The following HOMER1 variants were observed in gnomAD, a reference collection of about 807,000 sequenced individuals.
HOMER1 encodes the protein homer protein homolog 1.
A neutral mutation model predicts 48.9 loss-of-function variants in HOMER1; 3 were observed. That is an observed-to-expected ratio of 0.06 (90% CI 0.03 to 0.16). HOMER1 has a LOEUF of 0.16. Ranked by LOEUF, HOMER1 falls within the 10% of genes least tolerant of loss-of-function variation. The pLI, the probability that HOMER1 is intolerant of heterozygous loss-of-function variation, is 1.00. For synonymous variants in HOMER1, 134 were observed against 146.4 expected, an observed-to-expected ratio of 0.92 and a Z score of 0.61; for missense variants, 247 against 411.4, an observed-to-expected ratio of 0.60 and a Z score of 3.46.
chr5:79,462,622 A>G (rs746809999), intron 1 of HOMER1, among the ~76,000 whole-genome samples: 24 of 152,218 alleles, frequency 1.6e-4, no homozygotes, highest in Non-Finnish European at 2.6e-4. Flanking sequence ...TAAGAAAGAA[A>G]CGAGGATCAT....
chr5:79,389,932 A>G (rs1749205991), intron 8 of HOMER1, among the ~76,000 whole-genome samples: 1 of 152,228 alleles, frequency 6.6e-6, no homozygotes, highest in African/African-American at 2.4e-5. Context: ...AAATGAGAGC[A>G]TAACAAGCAC....
intron 1 of HOMER1, among the ~76,000 whole-genome samples, chr5:79,511,595 C>G (rs1313660974): frequency 6.6e-6 from 1 of 152,282 alleles, no homozygotes; most frequent in East Asian, 1.9e-4. Context: ...GCGGTACCCC[C>G]AAATCATGCA....
At chr5:79,394,001 G>A (rs1749316474) in intron 8 of HOMER1, among the ~76,000 whole-genome samples, 2 of 151,932 alleles carry the variant, frequency 1.3e-5, no homozygotes, top group South Asian at 2.1e-4. Flanking sequence ...TAATATTATG[G>A]AATTATGATT....
intron 2 of HOMER1, among the ~76,000 whole-genome samples, chr5:79,455,525 G>T (rs1453498505): frequency 6.6e-6 from 1 of 152,118 alleles, no homozygotes; most frequent in Non-Finnish European, 1.5e-5. Context: ...GTTTCCTGAG[G>T]CTTCCCCAGC....
intron 5 of HOMER1, among the ~76,000 whole-genome samples, chr5:79,424,236 C>A (rs951607973): frequency 9.9e-5 from 15 of 151,854 alleles, no homozygotes; most frequent in African/African-American, 3.6e-4. Context: ...GGAGGAAGTA[C>A]CCTTTCTCTA....
Position 79,379,097 on chromosome 5 carries a change from TATATATATATATATATAA to T in HOMER1, c.877-2918_877-2901del, listed in dbSNP as rs1332152840. Among the ~76,000 whole-genome samples, 48 of 60,982 alleles carry T rather than the reference TATATATATATATATATAA, an allele frequency of 7.9e-4. 2 individuals carry two copies. Among genetic ancestry groups the T allele is most frequent in the African/African-American group, 2.2e-3 (22 of 10,204 alleles). 40.0% of individuals were successfully genotyped at this position (60,982 alleles called of 152,430 possible). A position where few individuals can be genotyped will look rare whatever the true frequency, so the allele number is the denominator to read the frequency against. On this transcript the variant is annotated intron_variant, in intron 8 of 8. Coordinates refer to ENST00000334082, the MANE Select transcript of HOMER1 (RefSeq NM_004272.5). Reference sequence around the variant, plus strand: ...TTTTGTCCATATATATATATATATATATATATATATATATATAAAATATATAAATATTTATTTATATAT... The same window carrying T: ...TTTTGTCCATATATATATATATATATAATATATAAATATTTATTTATATAT...
At chr5:79,441,518 C>T (rs1350524976) in intron 4 of HOMER1, among the ~76,000 whole-genome samples, 1 of 152,068 alleles carries the variant, frequency 6.6e-6, no homozygotes, top group African/African-American at 2.4e-5. Context: ...CATCTCAAAG[C>T]AGCAAGTTTT....
chr5:79,467,071 T>A (rs1398430934), intron 1 of HOMER1, among the ~76,000 whole-genome samples: 1 of 152,160 alleles, frequency 6.6e-6, no homozygotes, highest in Non-Finnish European at 1.5e-5. Context: ...ATTACAGGTG[T>A]GAGCCACTGT....
chr5:79,431,394 G>A (rs768099249), intron 5 of HOMER1, among the ~76,000 whole-genome samples: 2 of 152,086 alleles, frequency 1.3e-5, no homozygotes, highest in Non-Finnish European at 2.9e-5. Context: ...CCATTTATAC[G>A]CAACGTTCAG....
chr5:79,398,488 TTC>T (rs1580423654), intron 6 of HOMER1, among the ~76,000 whole-genome samples: 1 of 152,160 alleles, frequency 6.6e-6, no homozygotes, highest in South Asian at 2.1e-4. Context: ...CATTCTGTGA[TTC>T]TCTCTCTTAT....
chr5:79,428,146 T>C (rs1750321895), intron 5 of HOMER1, among the ~76,000 whole-genome samples: 1 of 152,098 alleles, frequency 6.6e-6, no homozygotes. Flanking sequence ...GAAATAAACA[T>C]AAGAAAGCAT....
intron 5 of HOMER1, among the ~76,000 whole-genome samples, chr5:79,409,355 C>T (rs918975204): frequency 6.0e-5 from 9 of 148,854 alleles, no homozygotes; most frequent in Admixed American, 2.7e-4. Flanking sequence ...CCACTTGAAC[C>T]GGGGAGGCGG....
At chr5:79,442,926 A>C (rs1750775170) in intron 4 of HOMER1, among the ~76,000 whole-genome samples, 1 of 152,184 alleles carries the variant, frequency 6.6e-6, no homozygotes, top group South Asian at 2.1e-4. Flanking sequence ...ACCATTTCTG[A>C]AATCCATTTT....
chr5:79,510,836 C>T, intron 1 of HOMER1: 1 of 724,498 alleles, frequency 1.4e-6, no homozygotes, highest in Non-Finnish European at 2.5e-6. Context: ...GCTGCAGCTC[C>T]AGCTTCAGTT....
chr5:79,415,168 C>T (rs575117096), intron 5 of HOMER1, among the ~76,000 whole-genome samples: 2 of 152,148 alleles, frequency 1.3e-5, no homozygotes, highest in Admixed American at 1.3e-4. Context: ...ATCCTCCCAC[C>T]TCAGTCTCCC....
chr5:79,436,542 A>T (rs1421475021), intron 5 of HOMER1, among the ~76,000 whole-genome samples: 2 of 152,246 alleles, frequency 1.3e-5, no homozygotes, highest in Non-Finnish European at 2.9e-5. Context: ...GACATTTTAC[A>T]ATATAGTCAG....
chr5:79,467,783 G>A (rs1751513608), intron 1 of HOMER1, among the ~76,000 whole-genome samples: 2 of 152,062 alleles, frequency 1.3e-5, no homozygotes, highest in Non-Finnish European at 2.9e-5. Context: ...ATATAGGCCG[G>A]TGTTTTGTTT....
intron 8 of HOMER1, among the ~76,000 whole-genome samples, chr5:79,385,842 C>CAAAAAAA (rs33968519): frequency 2.8e-5 from 2 of 70,790 alleles, no homozygotes; most frequent in Non-Finnish European, 4.8e-5. Context: ...GACTCTGTCT[C>CAAAAAAA]AAAAAAAAAA....
At chr5:79,401,289 C>T (rs1399157758) in intron 6 of HOMER1, among the ~76,000 whole-genome samples, 1 of 152,112 alleles carries the variant, frequency 6.6e-6, no homozygotes, top group Non-Finnish European at 1.5e-5. Context: ...AGTGCAACTA[C>T]ATGCCAATTA....
Sources: gnomAD v4.1 joint callset for allele counts (sites outside exome capture counted in the v4.1 genomes callset) on GRCh38, gnomAD v4.1.1 for gene constraint, MANE v1.5 for transcripts, NCBI Gene and HGNC (gene_info 2026-07-23, HGNC 2026-07-21) for gene names.